The following TSGA10 variants were observed in gnomAD, a reference collection of about 807,000 sequenced individuals.
TSGA10 encodes the protein testis-specific gene 10 protein.
A neutral mutation model predicts 96.6 loss-of-function variants in TSGA10; 43 were observed. The ratio of observed to expected loss-of-function variants is 0.44; its 90% confidence interval spans 0.35 to 0.57. TSGA10 has a LOEUF of 0.57. TSGA10 is among the 20% of genes least tolerant of loss of function. The probability of loss-of-function intolerance (pLI) is 0.01; values close to 1 mark genes in which losing one functional copy is unlikely to be tolerated. For missense variants in TSGA10, 703 were observed against 834.4 expected, an observed-to-expected ratio of 0.84 and a Z score of 1.94; for synonymous variants, 229 against 269.9, an observed-to-expected ratio of 0.85 and a Z score of 1.48.
At chr2:99,085,569 G>A (rs1396945502) in intron 10 of TSGA10, among the ~76,000 whole-genome samples, 3 of 129,894 alleles carry the variant, frequency 2.3e-5, no homozygotes, top group African/African-American at 6.2e-5. Flanking sequence ...TGACTGTGCC[G>A]CTATACTCCA....
chr2:99,025,876 A>C (rs2080517438), intron 17 of TSGA10, among the ~76,000 whole-genome samples: 1 of 152,124 alleles, frequency 6.6e-6, no homozygotes, highest in Non-Finnish European at 1.5e-5. Flanking sequence ...TGTGCTGCTC[A>C]ATTTTCATAT....
chr2:99,116,348 A>G (rs1289483407), intron 4 of TSGA10, among the ~76,000 whole-genome samples: 1 of 126,738 alleles, frequency 7.9e-6, no homozygotes, highest in African/African-American at 2.6e-5. Context: ...TTTCATGGCA[A>G]AGTACTCAAT....
intron 13 of TSGA10, among the ~76,000 whole-genome samples, chr2:99,072,183 G>T (rs112830791): frequency 2.0e-5 from 3 of 152,228 alleles, no homozygotes; most frequent in African/African-American, 7.2e-5. Flanking sequence ...CTCCTTTACA[G>T]ATTCCTCTTC....
intron 1 of TSGA10, among the ~76,000 whole-genome samples, chr2:99,147,872 T>C (rs998672074): frequency 5.9e-5 from 9 of 152,228 alleles, no homozygotes; most frequent in African/African-American, 2.2e-4. Context: ...TATTTCAGTA[T>C]GTATTTCCTA....
chr2:99,076,959 C>T (rs990328876), intron 12 of TSGA10, among the ~76,000 whole-genome samples: 1 of 151,974 alleles, frequency 6.6e-6, no homozygotes, highest in African/African-American at 2.4e-5. Flanking sequence ...TTTTTCCAGA[C>T]CTTCCTCCTC....
chr2:99,113,125 A>G (rs547683438), intron 4 of TSGA10, among the ~76,000 whole-genome samples: 18 of 152,204 alleles, frequency 1.2e-4, no homozygotes, highest in African/African-American at 4.3e-4. Context: ...TGAATGATAA[A>G]CAACTCAAGA....
intron 1 of TSGA10, among the ~76,000 whole-genome samples, chr2:99,138,505 G>C (rs1203765738): frequency 6.6e-6 from 1 of 152,178 alleles, no homozygotes; most frequent in East Asian, 1.9e-4. Context: ...AAAATTTAAT[G>C]ATTCGAACAA....
intron 9 of TSGA10, among the ~76,000 whole-genome samples, chr2:99,104,619 C>T (rs534467275): frequency 6.6e-6 from 1 of 151,958 alleles, no homozygotes; most frequent in Non-Finnish European, 1.5e-5. Flanking sequence ...GGACTACAGG[C>T]GCATGCCACC....
chr2:99,062,780 G>C (rs2104449116), intron 16 of TSGA10, among the ~76,000 whole-genome samples: 1 of 152,146 alleles, frequency 6.6e-6, no homozygotes, highest in African/African-American at 2.4e-5. Context: ...AAATCATAAT[G>C]AAACGAGATG....
intron 15 of TSGA10, among the ~76,000 whole-genome samples, chr2:99,065,510 G>T (rs1348187072): frequency 1.3e-5 from 2 of 152,118 alleles, no homozygotes; most frequent in African/African-American, 4.8e-5. Flanking sequence ...TTTCGTACTG[G>T]TGTATTCCCT....
At chr2:99,058,811 G>C (rs1276851708) in intron 16 of TSGA10, among the ~76,000 whole-genome samples, 1 of 151,838 alleles carries the variant, frequency 6.6e-6, no homozygotes, top group Non-Finnish European at 1.5e-5. Flanking sequence ...GTTGAGGTGG[G>C]TGAATTATGA....
intron 13 of TSGA10, 75 bp from the exon 14 acceptor site, chr2:99,071,949 A>T: frequency 7.6e-7 from 1 of 1,318,784 alleles, no homozygotes; most frequent in Non-Finnish European, 1.1e-6. Context: ...ACAAGACAGA[A>T]GATGGACAGT....
At position 99,062,820 on chromosome 2, in the gene TSGA10, T is replaced by G. The variant is rs147646937; in HGVS notation, c.1404+2119A>C. ...TAAAAACTGAATGGCAATGAAAGGA[T>G]TATCTCAAAACTTGTGGGCTGCAGG... is the stretch of plus-strand genomic sequence containing the variant. On this transcript the variant is annotated intron_variant, in intron 16 of 20. Transcript: ENST00000393483. 1.4e-3 allele frequency among the ~76,000 whole-genome samples: 219 copies of G among 152,276 alleles called. 7 individuals are homozygous for G. The East Asian group carries it at 0.031, about 22-fold the overall frequency.
chr2:99,002,749 T>C (rs1344170518), intron 20 of TSGA10, among the ~76,000 whole-genome samples: 1 of 151,984 alleles, frequency 6.6e-6, no homozygotes, highest in Admixed American at 6.6e-5. Flanking sequence ...CCACCTCACA[T>C]GCAGAGACAC....
intron 1 of TSGA10, among the ~76,000 whole-genome samples, chr2:99,130,796 T>C (rs1276208701): frequency 6.6e-6 from 1 of 152,210 alleles, no homozygotes; most frequent in Non-Finnish European, 1.5e-5. Context: ...AGTTAATTTT[T>C]GTATAAGGTG....
intron 1 of TSGA10, among the ~76,000 whole-genome samples, chr2:99,151,855 G>A (rs983589917): frequency 2.0e-5 from 3 of 152,140 alleles, no homozygotes; most frequent in Non-Finnish European, 4.4e-5. Context: ...TATCAGTTAT[G>A]AAAATATCTG....
At chr2:99,013,003 AT>A (rs1157385503) in intron 20 of TSGA10, among the ~76,000 whole-genome samples, 3 of 151,894 alleles carry the variant, frequency 2.0e-5, no homozygotes. Context: ...ATCTTTTGTA[AT>A]TTTTTTGTCT....
chr2:99,081,924 T>G (rs1177813355), intron 10 of TSGA10, among the ~76,000 whole-genome samples: 1 of 152,014 alleles, frequency 6.6e-6, no homozygotes, highest in Non-Finnish European at 1.5e-5. Flanking sequence ...TTACTAACTC[T>G]ATTTTTAAAT....
chr2:99,039,534 G>C (rs2081996941), intron 16 of TSGA10, among the ~76,000 whole-genome samples: 2 of 152,086 alleles, frequency 1.3e-5, no homozygotes, highest in African/African-American at 4.8e-5. Flanking sequence ...AGAAAACCTA[G>C]AGGAAATGGA....
Sources: gnomAD v4.1 joint callset for allele counts (sites outside exome capture counted in the v4.1 genomes callset) on GRCh38, gnomAD v4.1.1 for gene constraint, MANE v1.5 for transcripts, NCBI Gene and HGNC (gene_info 2026-07-23, HGNC 2026-07-21) for gene names.